Variants in THRAP3 observed in about 807,000 individuals in gnomAD.
THRAP3 encodes the protein thyroid hormone receptor-associated protein 3.
A neutral mutation model predicts 101.0 loss-of-function variants in THRAP3; 16 were observed. The observed-to-expected ratio is 0.16, with a 90% CI of 0.11 to 0.24. The LOEUF is 0.24. Ranked by LOEUF, THRAP3 falls within the 10% of genes least tolerant of loss-of-function variation. THRAP3 has a pLI of 1.00. For missense variants in THRAP3, 989 were observed against 1,202.7 expected, an observed-to-expected ratio of 0.82 and a Z score of 2.63; for synonymous variants, 407 against 422.6, an observed-to-expected ratio of 0.96 and a Z score of 0.45.
intron 1 of THRAP3, among the ~76,000 whole-genome samples, chr1:36,246,972 A>G (rs988887594): frequency 1.3e-5 from 2 of 152,176 alleles, no homozygotes; most frequent in African/African-American, 2.4e-5. Flanking sequence ...AACTTTTGCA[A>G]AAATATTGAG....
At position 36,234,683 on chromosome 1, in the gene THRAP3, T is replaced by A. The variant is rs146230178; in HGVS notation, c.-135+10178T>A. ...CTTAAATTGTAAAAGCCTGTTCTGA[T>A]AATTCATCTTTTCCTTGGAAATTTA... On this transcript the variant is annotated intron_variant, in intron 1 of 11. Coordinates refer to ENST00000354618, the MANE Select transcript of THRAP3 (RefSeq NM_005119.4). Among the ~76,000 whole-genome samples the A allele has an allele frequency of 1.2e-3, 184 of 152,330 alleles. 1 individual carries two copies. Among genetic ancestry groups the A allele is most frequent in the African/African-American group, 4.2e-3 (174 of 41,582 alleles).
chr1:36,291,375 C>T lies in THRAP3; in HGVS notation c.1747C>T (p.Pro583Ser). 1 of 1,613,164 alleles carries T rather than the reference C, an allele frequency of 6.2e-7. No homozygotes were observed. The highest frequency in any genetic ancestry group is 8.5e-7 in the Non-Finnish European group (1 of 1,179,792). The change falls in exon 6 of 12, where the codon CCC (proline) becomes TCC (serine). Residue 583 changes from proline to serine, a missense_variant and splice_region_variant. Physicochemically the swap from Pro to Ser is moderately conservative, Grantham distance 74. Coordinates refer to ENST00000354618, the MANE Select transcript of THRAP3 (RefSeq NM_005119.4). Reference sequence around the variant, plus strand: ...GGCCTCCCCATATTTCTTTTTCAGACCCAGTGGCTTATTGGCTCAGGAACG... The same window carrying T: ...GGCCTCCCCATATTTCTTTTTCAGATCCAGTGGCTTATTGGCTCAGGAACG... ...MDSFDEDLAR[P>S]SGLLAQERKL...
At chr1:36,231,186 G>A (rs1304802702) in intron 1 of THRAP3, among the ~76,000 whole-genome samples, 2 of 150,658 alleles carry the variant, frequency 1.3e-5, no homozygotes, top group Middle Eastern at 3.2e-3. Flanking sequence ...TATATCCTTC[G>A]TTTGTTTCTT....
At position 36,288,316 on chromosome 1, in the gene THRAP3, TCTC is replaced by T. The variant is rs1038823257; in HGVS notation, c.1041-741_1041-739del. On this transcript the variant is annotated intron_variant, in intron 4 of 11. Transcript: ENST00000354618. ...TTTTATCCTTGCCCCCTCCCATCCT[TCTC>T]CTTGAGTTCCCAAAGTTCATTATGT... is the stretch of plus-strand genomic sequence containing the variant. 8 of 898,590 alleles carry T rather than the reference TCTC, an allele frequency of 8.9e-6. No individual in the cohort carries two copies. In the African/African-American group the frequency reaches 1.1e-4, roughly 12 times the overall value. 55.7% of individuals were successfully genotyped at this position (898,590 alleles called of 1,614,324 possible). A position where few individuals can be genotyped will look rare whatever the true frequency, so the allele number is the denominator to read the frequency against.
intron 1 of THRAP3, among the ~76,000 whole-genome samples, chr1:36,242,693 C>T (rs547648822): frequency 2.0e-5 from 3 of 151,776 alleles, no homozygotes; most frequent in Non-Finnish European, 2.9e-5. Context: ...ACCTGTGATC[C>T]GCCTGCCTCG....
At chr1:36,224,170 C>G (rs1644930020), upstream of THRAP3, among the ~76,000 whole-genome samples, 1 of 152,222 alleles carries the variant, frequency 6.6e-6, no homozygotes, top group Admixed American at 6.5e-5. Context: ...GTCAGCAACG[C>G]CCCCGCCCCT....
At chr1:36,233,882 G>C (rs896004123) in intron 1 of THRAP3, among the ~76,000 whole-genome samples, 1 of 152,194 alleles carries the variant, frequency 6.6e-6, no homozygotes, top group African/African-American at 2.4e-5. Flanking sequence ...TTTCTGAGTT[G>C]TCCTCCTCCT....
At chr1:36,259,694 A>G (rs1645419820) in intron 2 of THRAP3, among the ~76,000 whole-genome samples, 1 of 151,222 alleles carries the variant, frequency 6.6e-6, no homozygotes, top group South Asian at 2.1e-4. Context: ...TGAGCTCAGT[A>G]GTTGGAGACT....
At chr1:36,208,143 AGGGTAAGTC>A in the THRAP3 span, among the ~76,000 whole-genome samples, 1 of 152,210 alleles carries the variant, frequency 6.6e-6, no homozygotes, top group Non-Finnish European at 1.5e-5. Flanking sequence ...AGGCACTGTG[AGGGTAAGTC>A]GGCTCCCCTC....
At chr1:36,281,093 G>A (rs1645725930) in intron 2 of THRAP3, among the ~76,000 whole-genome samples, 1 of 151,994 alleles carries the variant, frequency 6.6e-6, no homozygotes, top group South Asian at 2.1e-4. Flanking sequence ...TTTTAGTAGA[G>A]ATGGGGTTTC....
At chr1:36,288,834 A>G (rs941696960) in intron 4 of THRAP3, 21 of 985,180 alleles carry the variant, frequency 2.1e-5, no homozygotes, top group Non-Finnish European at 2.5e-5. Flanking sequence ...GTAAGACACA[A>G]CTCCATGGAT....
the THRAP3 span, among the ~76,000 whole-genome samples, chr1:36,215,558 C>T: frequency 1.3e-5 from 2 of 152,092 alleles, no homozygotes; most frequent in African/African-American, 4.8e-5. Context: ...AACAGGACCT[C>T]CGGATTCTAT....
At chr1:36,279,063 AT>A (rs1427554471) in intron 2 of THRAP3, among the ~76,000 whole-genome samples, 2 of 152,202 alleles carry the variant, frequency 1.3e-5, no homozygotes, top group African/African-American at 4.8e-5. Context: ...GCACTTGTCA[AT>A]TCTGGTAAGC....
At position 36,304,034 on chromosome 1, in the gene THRAP3, GA is replaced by G. The variant is rs1159434862; in HGVS notation, c.*18del. 6.7e-7 allele frequency: 1 copy of G among 1,493,742 alleles called. No homozygotes were observed. 92.5% of individuals were successfully genotyped at this position (1,493,742 alleles called of 1,614,324 possible). On this transcript the variant is annotated 3_prime_UTR_variant, in exon 12 of 12. Coordinates refer to ENST00000354618, the MANE Select transcript of THRAP3 (RefSeq NM_005119.4). ...ACCGAGTAGGGGCCACCCTTGACGGGATTCCTGCCCAGGGGAGAGAGGCGCT... is the reference window on the plus strand; with the variant it reads ...ACCGAGTAGGGGCCACCCTTGACGGGTTCCTGCCCAGGGGAGAGAGGCGCT...
chr1:36,212,078 G>C, the THRAP3 span, among the ~76,000 whole-genome samples: 2 of 152,206 alleles, frequency 1.3e-5, no homozygotes, highest in Non-Finnish European at 2.9e-5. Flanking sequence ...AGCTTAACTG[G>C]TATAGCTGGG....
chr1:36,296,872 A>G, intron 9 of THRAP3, 102 bp downstream of exon 9: 4 of 889,834 alleles, frequency 4.5e-6, no homozygotes, highest in Non-Finnish European at 6.4e-6. Context: ...TAGGGTTAGT[A>G]ATTATAGCAA....
chr1:36,279,561 A>ATT (rs1645705753), intron 2 of THRAP3, among the ~76,000 whole-genome samples: 1 of 152,214 alleles, frequency 6.6e-6, no homozygotes, highest in Non-Finnish European at 1.5e-5. Context: ...ATAGCTCCAA[A>ATT]TTGAAATATC....
chr1:36,274,206 A>G (rs953439647), intron 2 of THRAP3, among the ~76,000 whole-genome samples: 1 of 152,182 alleles, frequency 6.6e-6, no homozygotes, highest in Non-Finnish European at 1.5e-5. Flanking sequence ...CATTTGCAGT[A>G]GCAACAAAAT....
chr1:36,245,316 G>A (rs916948614), intron 1 of THRAP3, among the ~76,000 whole-genome samples: 5 of 151,596 alleles, frequency 3.3e-5, no homozygotes, highest in East Asian at 1.9e-4. Flanking sequence ...ACAGGCCTGC[G>A]CCATCACACC....
Sources: allele counts gnomAD v4.1 joint callset (sites outside exome capture counted in the v4.1 genomes callset), GRCh38; gene constraint gnomAD v4.1.1; transcripts MANE v1.5; gene names NCBI Gene and HGNC (gene_info 2026-07-23, HGNC 2026-07-21).